STOX1: variants seen among roughly 807,000 people sequenced by gnomAD.
STOX1 encodes the protein storkhead box 1.
STOX1 carries 57 observed loss-of-function variants against 74.8 expected under a neutral mutation model. That is an observed-to-expected ratio of 0.76 (90% CI 0.62 to 0.95). The LOEUF is 0.95. Ranked by LOEUF, STOX1 falls within the 40% of genes least tolerant of loss-of-function variation. The pLI, the probability that STOX1 is intolerant of heterozygous loss-of-function variation, is 0.00. For synonymous variants in STOX1, 375 were observed against 401.3 expected, an observed-to-expected ratio of 0.93 and a Z score of 0.78; for missense variants, 1,010 against 1,117.0, an observed-to-expected ratio of 0.90 and a Z score of 1.37.
At chr10:68,881,773 G>A (rs1840817755) in intron 1 of STOX1, among the ~76,000 whole-genome samples, 185 bp from the exon 2 acceptor site, 2 of 152,164 alleles carry the variant, frequency 1.3e-5, no homozygotes, top group Admixed American at 1.3e-4. Context: ...AGACCACAAT[G>A]TAAATCTTTT....
chr10:68,873,866 G>A (rs1269406695), intron 1 of STOX1, among the ~76,000 whole-genome samples: 1 of 146,212 alleles, frequency 6.8e-6, no homozygotes, highest in Non-Finnish European at 1.5e-5. Context: ...GGTCAGGCTG[G>A]TCTCGAACCC....
intron 1 of STOX1, among the ~76,000 whole-genome samples, chr10:68,878,240 G>A (rs1164029266): frequency 6.6e-6 from 1 of 152,118 alleles, no homozygotes; most frequent in East Asian, 1.9e-4. Context: ...ATTTAAAATT[G>A]TACTTTAATT....
intron 1 of STOX1, chr10:68,828,302 C>A: frequency 8.5e-7 from 1 of 1,171,300 alleles, no homozygotes; most frequent in Non-Finnish European, 1.1e-6. Flanking sequence ...AGGGGCGTCC[C>A]GCGCCAGCTG....
chr10:68,868,893 C>T (rs575138925), intron 1 of STOX1, among the ~76,000 whole-genome samples: 1 of 152,326 alleles, frequency 6.6e-6, no homozygotes, highest in South Asian at 2.1e-4. Flanking sequence ...TGTTTTCCCA[C>T]AGTAACCTTT....
At chr10:68,867,345 T>C (rs1840435459) in intron 1 of STOX1, among the ~76,000 whole-genome samples, 2 of 152,198 alleles carry the variant, frequency 1.3e-5, no homozygotes, top group African/African-American at 4.8e-5. Context: ...GGCTCAAATG[T>C]AGCCATAACA....
chr10:68,856,086 GC>G (rs2133548730), intron 1 of STOX1, among the ~76,000 whole-genome samples: 1 of 152,176 alleles, frequency 6.6e-6, no homozygotes, highest in South Asian at 2.1e-4. Flanking sequence ...CAGGAAGAGG[GC>G]ACAGGGTAGC....
chr10:68,834,827 C>T (rs942259473), intron 1 of STOX1, among the ~76,000 whole-genome samples: 1 of 152,050 alleles, frequency 6.6e-6, no homozygotes, highest in African/African-American at 2.4e-5. Context: ...CGGGTTCAAG[C>T]GATTCTCCTG....
Position 68,884,588 on chromosome 10 carries a change from G to A in STOX1, c.792G>A (p.Val264=). 6.2e-7 allele frequency: 1 copy of A among 1,613,880 alleles called. No individual in the cohort carries two copies. The highest frequency in any genetic ancestry group is 8.5e-7 in the Non-Finnish European group (1 of 1,180,048). Reference sequence around the variant, plus strand: ...AGGAAGCACCAGTTGCTGCAGAAGTGACTAGGAAGAGTCACAGAGGTCTTG... The same window carrying A: ...AGGAAGCACCAGTTGCTGCAGAAGTAACTAGGAAGAGTCACAGAGGTCTTG... ...DVQEAPVAAE[V]TRKSHRGLGE... is the part of the protein sequence containing the mutation. Residue 264 remains valine, a synonymous_variant, in exon 3 of 4, where the codon GTG becomes GTA. Coordinates refer to ENST00000298596, the MANE Select transcript of STOX1 (RefSeq NM_152709.5).
At chr10:68,851,041 G>C (rs1272342317) in intron 1 of STOX1, among the ~76,000 whole-genome samples, 1 of 150,764 alleles carries the variant, frequency 6.6e-6, no homozygotes, top group Admixed American at 6.6e-5. Flanking sequence ...AGGTGCGGTG[G>C]CTCACACCTG....
At chr10:68,871,503 G>A (rs1379875152) in intron 1 of STOX1, among the ~76,000 whole-genome samples, 2 of 152,214 alleles carry the variant, frequency 1.3e-5, no homozygotes, top group Non-Finnish European at 2.9e-5. Context: ...GAAGCCTTTA[G>A]CTTTCCAGCA....
intron 1 of STOX1, among the ~76,000 whole-genome samples, chr10:68,845,655 G>A (rs1392655311): frequency 6.6e-6 from 1 of 151,260 alleles, no homozygotes; most frequent in Non-Finnish European, 1.5e-5. Context: ...AGGCTGGAGT[G>A]CAGTGGCAAG....
At chr10:68,866,014 G>C (rs1384439461) in intron 1 of STOX1, among the ~76,000 whole-genome samples, 1 of 151,854 alleles carries the variant, frequency 6.6e-6, no homozygotes. Context: ...GCTTGAAGTG[G>C]TTCCTTCAAA....
At chr10:68,864,606 T>C (rs983337399) in intron 1 of STOX1, among the ~76,000 whole-genome samples, 6 of 152,182 alleles carry the variant, frequency 3.9e-5, no homozygotes, top group African/African-American at 1.4e-4. Flanking sequence ...TCAAAGTCAG[T>C]GAATTAGTAT....
At chr10:68,859,948 A>G (rs1457474828) in intron 1 of STOX1, among the ~76,000 whole-genome samples, 1 of 151,918 alleles carries the variant, frequency 6.6e-6, no homozygotes, top group Admixed American at 6.6e-5. Context: ...ATCCTCTGCA[A>G]GATCCAAGCA....
Position 68,871,279 on chromosome 10 carries a change from C to T in STOX1, c.311-10679C>T, listed in dbSNP as rs200160059. Among the ~76,000 whole-genome samples, 51 of 152,274 alleles carry T rather than the reference C, an allele frequency of 3.3e-4. 1 individual carries two copies. In the East Asian group the frequency reaches 6.8e-3, roughly 20 times the overall value. The stretch of plus-strand genomic sequence containing the variant: ...GAGCTAGAGGCTCAAAGGGCACCCC[C>T]GGGTGGGGCCACCTGTCTTCTTGGT... On this transcript the variant is annotated intron_variant, in intron 1 of 3. Coordinates refer to ENST00000298596, the MANE Select transcript of STOX1 (RefSeq NM_152709.5).
rs761998479 is a variant in STOX1 at position 68,885,115 on chromosome 10, G to A, written c.1319G>A (p.Ser440Asn). ...AGACACAAAGCCAGGAATCAGGGAAGTGAGTTTCAGCCAGGAAGCATTAGA... is the reference window on the plus strand; with the variant it reads ...AGACACAAAGCCAGGAATCAGGGAAATGAGTTTCAGCCAGGAAGCATTAGA... Reference protein sequence around the residue: ...RDRHKARNQGSEFQPGSIRLE... With the variant: ...RDRHKARNQGNEFQPGSIRLE... The change falls in exon 3 of 4, where the codon AGT becomes AAT. Residue 440 changes from serine to asparagine, a missense_variant. By Grantham distance (46) the Ser-to-Asn change is conservative. Coordinates refer to ENST00000298596, the MANE Select transcript of STOX1 (RefSeq NM_152709.5). The A allele has an allele frequency of 4.5e-5, 73 of 1,613,032 alleles. No homozygotes were observed. The highest frequency in any genetic ancestry group is 5.9e-5 in the Non-Finnish European group (70 of 1,179,404).
intron 1 of STOX1, among the ~76,000 whole-genome samples, chr10:68,838,755 A>C (rs1839620563): frequency 6.6e-6 from 1 of 152,034 alleles, no homozygotes; most frequent in Non-Finnish European, 1.5e-5. Context: ...CTAAAAATAC[A>C]AAAAATTAGC....
rs10509305 is a variant in STOX1, at chr10:68,885,620, A to C, written c.1824A>C (p.Glu608Asp). The change falls in exon 3 of 4, where the codon GAA becomes GAC. Residue 608 changes from glutamate to aspartate, a missense_variant. Glu to Asp is a conservative substitution (Grantham distance 45). Transcript: ENST00000298596. The part of the protein sequence containing the change: ...CPFMESMLRY[E>D]VYGGENEVIP... Reference sequence around the variant, plus strand: ...TTATGGAAAGCATGTTGAGATATGAAGTGTATGGTGGAGAAAATGAGGTAA... The same window carrying C: ...TTATGGAAAGCATGTTGAGATATGACGTGTATGGTGGAGAAAATGAGGTAA... The C allele has an allele frequency of 0.21, 338,919 of 1,614,008 alleles. 37,455 individuals carry two copies. The highest frequency in any genetic ancestry group is 0.28 in the Admixed American group (16,947 of 60,004).
At chr10:68,845,139 A>C (rs1390734915) in intron 1 of STOX1, among the ~76,000 whole-genome samples, 1 of 149,704 alleles carries the variant, frequency 6.7e-6, no homozygotes, top group Non-Finnish European at 1.5e-5. Context: ...GTCTCGCTCT[A>C]TCACCCGAGC....
Sources: allele counts gnomAD v4.1 joint callset (sites outside exome capture counted in the v4.1 genomes callset), GRCh38; gene constraint gnomAD v4.1.1; transcripts MANE v1.5; gene names NCBI Gene and HGNC (gene_info 2026-07-23, HGNC 2026-07-21).